Variants in TCEA3 observed in about 807,000 individuals in gnomAD.
TCEA3 encodes the protein transcription elongation factor A protein 3.
In TCEA3, 36 loss-of-function variants were observed where a neutral mutation model predicts 44.0. The ratio of observed to expected loss-of-function variants is 0.82; its 90% CI spans 0.63 to 1.08. TCEA3 has a LOEUF of 1.08. Ranked by LOEUF, TCEA3 falls within the 50% of genes least tolerant of loss-of-function variation. The pLI is 0.00. For synonymous variants in TCEA3, 162 were observed against 159.7 expected, an observed-to-expected ratio of 1.01 and a Z score of -0.11; for missense variants, 392 against 441.2, an observed-to-expected ratio of 0.89 and a Z score of 1.00.
chr1:23,381,352 A>G lies in TCEA3; in HGVS notation c.*114T>C, dbSNP rs189723104. On this transcript the variant is annotated 3_prime_UTR_variant, in exon 11 of 11. Coordinates refer to ENST00000450454, the MANE Select transcript of TCEA3 (RefSeq NM_003196.3). The stretch of plus-strand genomic sequence containing the variant: ...TTCTTCCTCTAACTCATACCATCCC[A>G]CTCAGACAGAGTTCAGTATTTTCCT... 1.3e-6 allele frequency: 1 copy of G among 745,664 alleles called. No homozygotes were observed. Among genetic ancestry groups the G allele is most frequent in the East Asian group, 2.4e-5 (1 of 40,838 alleles). The allele number at this position is 745,664 out of a possible 1,614,324, so 46.2% of individuals were successfully genotyped here.
intron 8 of TCEA3, among the ~76,000 whole-genome samples, chr1:23,387,679 A>G (rs1229525242): frequency 6.6e-6 from 1 of 152,018 alleles, no homozygotes; most frequent in East Asian, 1.9e-4. Context: ...GAGGACGAGC[A>G]CTCCTGTGTA....
At position 23,419,132 on chromosome 1, in the gene TCEA3, G is replaced by A; in HGVS notation, c.77C>T (p.Ala26Val). The A allele has an allele frequency of 1.3e-6, 2 of 1,595,530 alleles. No homozygotes were observed. The highest frequency in any genetic ancestry group is 1.7e-6 in the Non-Finnish European group (2 of 1,170,966). ...KMVARKNTEGALDLLKKLHSC... is the reference protein window; with the variant it reads ...KMVARKNTEGVLDLLKKLHSC... Reference sequence around the variant, plus strand: ...GTGCAGCTTCTTCAGAAGGTCCAGGGCCCCTTCCTGTGGGAGGCCACAAGG... The same window carrying A: ...GTGCAGCTTCTTCAGAAGGTCCAGGACCCCTTCCTGTGGGAGGCCACAAGG... Residue 26 changes from alanine to valine, a missense_variant, in exon 2 of 11, where the codon GCC becomes GTC. Coordinates refer to ENST00000450454, the MANE Select transcript of TCEA3 (RefSeq NM_003196.3).
intron 7 of TCEA3, among the ~76,000 whole-genome samples, chr1:23,395,350 G>A (rs1558035936): frequency 1.3e-5 from 2 of 152,204 alleles, no homozygotes. Context: ...CAGACCGGGG[G>A]CACCGGCCCC....
At chr1:23,423,064 C>T (rs1198438) in intron 1 of TCEA3, among the ~76,000 whole-genome samples, 1 of 152,096 alleles carries the variant, frequency 6.6e-6, no homozygotes. Context: ...TCCCTGGCTG[C>T]GCTCTGCCAA....
intron 8 of TCEA3, among the ~76,000 whole-genome samples, chr1:23,388,079 C>T (rs1638906304): frequency 6.6e-6 from 1 of 152,160 alleles, no homozygotes; most frequent in Admixed American, 6.5e-5. Flanking sequence ...TGTCCATCTC[C>T]CTGGCCACTT....
intron 8 of TCEA3, 115 bp downstream of exon 8, chr1:23,393,764 G>T: frequency 7.2e-7 from 1 of 1,393,056 alleles, no homozygotes; most frequent in Non-Finnish European, 9.5e-7. Flanking sequence ...GATGAGGCTG[G>T]TTTGAAAAGC....
At chr1:23,407,315 C>T (rs567454029) in intron 5 of TCEA3, among the ~76,000 whole-genome samples, 96 of 152,266 alleles carry the variant, frequency 6.3e-4, no homozygotes, top group African/African-American at 1.8e-3. Context: ...CCTGAATTAC[C>T]GCAACAGCCT....
intron 5 of TCEA3, among the ~76,000 whole-genome samples, chr1:23,407,612 A>G (rs1639580530): frequency 6.6e-6 from 1 of 151,882 alleles, no homozygotes; most frequent in Admixed American, 6.6e-5. Flanking sequence ...CTCGATGAGG[A>G]CTTTTCTGAC....
intron 10 of TCEA3, 37 bp from the exon 11 acceptor site, chr1:23,381,511 T>C (rs1482750840): frequency 2.6e-6 from 2 of 780,738 alleles, no homozygotes; most frequent in Non-Finnish European, 4.8e-6. Context: ...TTGAAAGGTT[T>C]CTCGGCATCC....
rs575707126 is a variant in TCEA3, at chr1:23,416,288, G to T, written c.380+961C>A. 2.0e-3 allele frequency among the ~76,000 whole-genome samples: 311 copies of T among 152,194 alleles called. 5 individuals carry two copies. Among genetic ancestry groups the T allele is most frequent in the African/African-American group, 7.3e-3 (303 of 41,544 alleles). ...CCCAAAGTGCTGGGATTACAGGGGT[G>T]AGATACCGTACCCGGCCTTCCATTA... On this transcript the variant is annotated intron_variant, in intron 4 of 10. Transcript: ENST00000450454.
chr1:23,399,148 A>ATATATATATG, intron 5 of TCEA3, among the ~76,000 whole-genome samples: 1 of 99,248 alleles, frequency 1.0e-5, no homozygotes, highest in Non-Finnish European at 1.8e-5. Context: ...ATATATGTAT[A>ATATATATATG]TATATATATA....
Position 23,404,805 on chromosome 1 carries a change from A to T in TCEA3, c.443+3859T>A, listed in dbSNP as rs548766782. Among the ~76,000 whole-genome samples the T allele has an allele frequency of 6.7e-3, 1,023 of 151,718 alleles. 13 individuals carry two copies. Among genetic ancestry groups the T allele is most frequent in the African/African-American group, 0.023 (931 of 41,332 alleles). Reference sequence around the variant, plus strand: ...GAGACTCTGTCTCTACAAAAAAAAAATTTTTTTTAAGTTAGCTGGGTGTGG... The same window carrying T: ...GAGACTCTGTCTCTACAAAAAAAAATTTTTTTTTAAGTTAGCTGGGTGTGG... On this transcript the variant is annotated intron_variant, in intron 5 of 10. Coordinates refer to ENST00000450454, the MANE Select transcript of TCEA3 (RefSeq NM_003196.3).
intron 4 of TCEA3, chr1:23,411,461 G>T: frequency 5.0e-6 from 1 of 199,880 alleles, no homozygotes; most frequent in South Asian, 1.1e-4. Context: ...CCCAGCCAGA[G>T]GTCTCGAATT....
In TCEA3 at chr1:23,417,933, A is replaced by C; in HGVS notation, c.209T>G (p.Val70Gly). 6.2e-7 allele frequency: 1 copy of C among 1,614,032 alleles called. No individual in the cohort carries two copies. Among genetic ancestry groups the C allele is most frequent in the African/African-American group, 1.3e-5 (1 of 75,054 alleles). ...CAGCCGCTTCCAGTTTTTGATAAGGACTTTGGCCAAGGACACCACCTCCTT... is the reference window on the plus strand; with the variant it reads ...CAGCCGCTTCCAGTTTTTGATAAGGCCTTTGGCCAAGGACACCACCTCCTT... ...SDKEVVSLAK[V>G]LIKNWKRLLD... Residue 70 changes from valine to glycine, a missense_variant, in exon 3 of 11, where the codon GTC (valine) becomes GGC (glycine). Physicochemically the swap from Val to Gly is moderately radical, Grantham distance 109. Transcript: ENST00000450454.
At chr1:23,423,280 G>C (rs1422668274) in intron 1 of TCEA3, among the ~76,000 whole-genome samples, 1 of 152,228 alleles carries the variant, frequency 6.6e-6, no homozygotes, top group Non-Finnish European at 1.5e-5. Context: ...GCACAGGTCT[G>C]AGTCCTACTA....
At chr1:23,394,070 G>A (rs200468610) in intron 7 of TCEA3, 37 bp from the exon 8 acceptor site, 113 of 1,612,042 alleles carry the variant, frequency 7.0e-5, no homozygotes, top group Non-Finnish European at 9.2e-5. Context: ...ATTCATGGAG[G>A]GGCACAGAAG....
At chr1:23,394,239 G>T (rs1425846291) in intron 7 of TCEA3, among the ~76,000 whole-genome samples, 1 of 152,200 alleles carries the variant, frequency 6.6e-6, no homozygotes, top group African/African-American at 2.4e-5. Flanking sequence ...AAAGAAAATA[G>T]CTTCTGGGGT....
At chr1:23,421,544 G>A (rs1225630568) in intron 1 of TCEA3, among the ~76,000 whole-genome samples, 1 of 151,890 alleles carries the variant, frequency 6.6e-6, no homozygotes, top group Non-Finnish European at 1.5e-5. Context: ...CAATTTCTGT[G>A]GTGTAAACAC....
chr1:23,419,600 G>A (rs752422535), intron 1 of TCEA3, among the ~76,000 whole-genome samples: 1 of 152,212 alleles, frequency 6.6e-6, no homozygotes, highest in Non-Finnish European at 1.5e-5. Context: ...ACTTTGGGAG[G>A]CTGAGGTGGG....
Sources: allele counts gnomAD v4.1 joint callset (sites outside exome capture counted in the v4.1 genomes callset), GRCh38; gene constraint gnomAD v4.1.1; transcripts MANE v1.5; gene names NCBI Gene and HGNC (gene_info 2026-07-23, HGNC 2026-07-21).